PSD3: variants seen among roughly 807,000 people sequenced by gnomAD.
PSD3 encodes pleckstrin and Sec7 domain containing 3, also known as PH and SEC7 domain-containing protein 3.
A neutral mutation model predicts 105.5 loss-of-function variants in PSD3; 49 were observed. The ratio of observed to expected loss-of-function variants is 0.46; its 90% CI spans 0.37 to 0.59. The LOEUF (loss-of-function observed/expected upper bound fraction) is 0.59, where lower values mean the gene tolerates loss of function less well. Among genes scored for constraint, PSD3 ranks in the 20% least tolerant of loss-of-function variants. PSD3 has a pLI of 0.00. For synonymous variants in PSD3, 557 were observed against 457.8 expected (o/e 1.22, Z -2.77); for missense variants, 1,561 against 1,263.8 (o/e 1.24, Z -3.57).
chr8:18,693,541 A>G (rs1801089683), intron 9 of PSD3, among the ~76,000 whole-genome samples: 1 of 152,212 alleles, frequency 6.6e-6, no homozygotes, highest in African/African-American at 2.4e-5. Context: ...ATCTTCAGGT[A>G]TTCCCTGTCC....
chr8:18,753,927 T>C (rs1805809431), intron 9 of PSD3, among the ~76,000 whole-genome samples: 1 of 152,178 alleles, frequency 6.6e-6, no homozygotes, highest in African/African-American at 2.4e-5. Flanking sequence ...ACTCCAGATG[T>C]ACCATTTGGA....
At chr8:18,865,564 A>T (rs561761182) in intron 4 of PSD3, among the ~76,000 whole-genome samples, 36 of 152,148 alleles carry the variant, frequency 2.4e-4, no homozygotes, top group African/African-American at 8.4e-4. Flanking sequence ...ATCATATGCC[A>T]ACCTCAAATA....
chr8:18,929,120 A>G (rs57600919), intron 2 of PSD3, among the ~76,000 whole-genome samples: 2,291 of 152,324 alleles, frequency 0.015, 54 homozygotes, highest in African/African-American at 0.051. Context: ...GTATCTCAAT[A>G]AAGTTATTTT....
intron 9 of PSD3, among the ~76,000 whole-genome samples, chr8:18,666,713 T>C (rs1052655399): frequency 1.9e-4 from 28 of 145,592 alleles, no homozygotes; most frequent in Middle Eastern, 3.4e-3. Flanking sequence ...AGCTTCACTA[T>C]TGCTTTTTTT....
chr8:19,028,678 G>A (rs1019073691), intron 1 of PSD3, among the ~76,000 whole-genome samples: 3 of 152,112 alleles, frequency 2.0e-5, no homozygotes, highest in Non-Finnish European at 2.9e-5. Flanking sequence ...AAGAACAAAT[G>A]TTTTAAATTT....
chr8:18,925,527 A>G (rs1821305587), intron 2 of PSD3, among the ~76,000 whole-genome samples: 1 of 152,110 alleles, frequency 6.6e-6, no homozygotes, highest in African/African-American at 2.4e-5. Context: ...ATCCCTAACC[A>G]AAAATCTAAA....
intron 2 of PSD3, among the ~76,000 whole-genome samples, chr8:18,914,666 G>A (rs1236803591): frequency 1.3e-5 from 2 of 152,110 alleles, no homozygotes; most frequent in African/African-American, 2.4e-5. Context: ...GAGAGTGAAT[G>A]ACCTATACAA....
At chr8:18,970,142 G>A (rs547278936) in intron 1 of PSD3, among the ~76,000 whole-genome samples, 7 of 151,200 alleles carry the variant, frequency 4.6e-5, no homozygotes, top group African/African-American at 1.7e-4. Flanking sequence ...TGGCTAACAC[G>A]GTGAAACCCC....
intron 1 of PSD3, among the ~76,000 whole-genome samples, chr8:19,070,715 T>G (rs1829226318): frequency 6.6e-6 from 1 of 152,090 alleles, no homozygotes; most frequent in Admixed American, 6.5e-5. Flanking sequence ...GAAGCACTAC[T>G]ATTTTCTTTC....
At chr8:18,910,916 G>C (rs1184199226) in intron 2 of PSD3, among the ~76,000 whole-genome samples, 1 of 150,576 alleles carries the variant, frequency 6.6e-6, no homozygotes, top group Non-Finnish European at 1.5e-5. Flanking sequence ...GCAAGACTCT[G>C]TCTCTACATA....
intron 4 of PSD3, among the ~76,000 whole-genome samples, chr8:18,821,855 A>G (rs1812754953): frequency 2.1e-5 from 2 of 96,472 alleles, no homozygotes; most frequent in Non-Finnish European, 3.9e-5. Context: ...ACACACATGC[A>G]CACACATGCA....
At chr8:18,578,734 C>CAA (rs67557349) in intron 12 of PSD3, among the ~76,000 whole-genome samples, 6,376 of 145,528 alleles carry the variant, frequency 0.044, 348 homozygotes, top group African/African-American at 0.13. Flanking sequence ...CTTAAAAATG[C>CAA]AAAAAAAAAA....
intron 8 of PSD3, among the ~76,000 whole-genome samples, chr8:18,772,395 AT>A (rs139806858): frequency 0.15 from 22,960 of 151,858 alleles, 2,282 homozygotes; most frequent in East Asian, 0.34. Context: ...AATAGTTTCT[AT>A]TTTTTTTGAT....
At chr8:18,581,263 G>T (rs949211950) in intron 12 of PSD3, among the ~76,000 whole-genome samples, 1 of 152,074 alleles carries the variant, frequency 6.6e-6, no homozygotes, top group Non-Finnish European at 1.5e-5. Context: ...AAGCACATAT[G>T]AACTATTAGT....
chr8:19,005,050 G>A (rs1001384199), intron 1 of PSD3, among the ~76,000 whole-genome samples: 7 of 151,978 alleles, frequency 4.6e-5, no homozygotes, highest in Admixed American at 2.0e-4. Flanking sequence ...CAATAAGCAC[G>A]TGAAAATATA....
intron 10 of PSD3, among the ~76,000 whole-genome samples, chr8:18,652,493 GTTTTTTTTTT>G (rs67555804): frequency 2.2e-5 from 2 of 92,596 alleles, no homozygotes; most frequent in African/African-American, 4.3e-5. Context: ...AAAAAGCTTA[GTTTTTTTTTT>G]TTTTTTTTTT....
chr8:18,974,552 C>G (rs1824824759), intron 1 of PSD3, among the ~76,000 whole-genome samples: 1 of 152,168 alleles, frequency 6.6e-6, no homozygotes, highest in African/African-American at 2.4e-5. Flanking sequence ...GGGAGCCCCA[C>G]TACGCGCTAG....
intron 11 of PSD3, among the ~76,000 whole-genome samples, chr8:18,613,375 G>A (rs1355161542): frequency 6.6e-6 from 1 of 152,162 alleles, no homozygotes; most frequent in Non-Finnish European, 1.5e-5. Flanking sequence ...TCGTTTCTGT[G>A]TGGTAAGGTG....
intron 1 of PSD3, among the ~76,000 whole-genome samples, chr8:19,043,817 A>C (rs749624823): frequency 2.0e-5 from 3 of 152,216 alleles, no homozygotes; most frequent in Non-Finnish European, 2.9e-5. Context: ...CAGCCTCCAG[A>C]ATGGTGAGAC....
Sources: allele counts gnomAD v4.1 joint callset (sites outside exome capture counted in the v4.1 genomes callset), GRCh38; gene constraint gnomAD v4.1.1; transcripts MANE v1.5; gene names NCBI Gene and HGNC (gene_info 2026-07-23, HGNC 2026-07-21).